The following CDH13 variants were observed in gnomAD, a reference collection of about 807,000 sequenced individuals.
CDH13 encodes the protein cadherin-13.
A neutral mutation model predicts 63.8 loss-of-function variants in CDH13; 24 were observed. The ratio of observed to expected loss-of-function variants is 0.38; its 90% CI spans 0.27 to 0.53. The LOEUF is 0.53. CDH13 is among the 20% of genes least tolerant of loss of function. The probability of loss-of-function intolerance (pLI) is 0.85; values close to 1 mark genes in which losing one functional copy is unlikely to be tolerated. For missense variants in CDH13, 1,049 were observed against 903.1 expected, an observed-to-expected ratio of 1.16 and a Z score of -2.07; for synonymous variants, 503 against 355.3, an observed-to-expected ratio of 1.42 and a Z score of -4.67.
intron 1 of CDH13, among the ~76,000 whole-genome samples, chr16:82,710,048 TAC>T (rs921251629): frequency 1.3e-5 from 2 of 149,968 alleles, no homozygotes; most frequent in African/African-American, 4.9e-5. Flanking sequence ...AAAGTATGCA[TAC>T]ACACACACAC....
At chr16:83,396,316 G>A (rs1328010664) in intron 6 of CDH13, among the ~76,000 whole-genome samples, 4 of 152,166 alleles carry the variant, frequency 2.6e-5, no homozygotes, top group Non-Finnish European at 5.9e-5. Flanking sequence ...TTCAGAGTAT[G>A]ATAAAACACT....
intron 3 of CDH13, among the ~76,000 whole-genome samples, chr16:83,068,240 A>G (rs975429175): frequency 1.1e-4 from 17 of 152,184 alleles, no homozygotes; most frequent in African/African-American, 3.6e-4. Flanking sequence ...TAATCATTTT[A>G]TAGGCATTAT....
intron 1 of CDH13, among the ~76,000 whole-genome samples, chr16:82,841,456 A>C (rs551529279): frequency 6.6e-6 from 1 of 152,342 alleles, no homozygotes; most frequent in African/African-American, 2.4e-5. Context: ...TTAGCAAAGC[A>C]GCAGCTCCCT....
chr16:83,753,191 A>T (rs934284671), intron 11 of CDH13, among the ~76,000 whole-genome samples: 2 of 152,116 alleles, frequency 1.3e-5, no homozygotes, highest in Non-Finnish European at 2.9e-5. Flanking sequence ...TTTTTGCCTC[A>T]CCAAAAACTT....
intron 1 of CDH13, among the ~76,000 whole-genome samples, chr16:82,748,604 C>T (rs900655241): frequency 8.6e-5 from 13 of 151,822 alleles, no homozygotes; most frequent in Middle Eastern, 3.4e-3. Flanking sequence ...AAGCTGCTAA[C>T]AAAAAAATCA....
intron 10 of CDH13, among the ~76,000 whole-genome samples, chr16:83,718,862 G>A (rs1034934712): frequency 2.0e-5 from 3 of 152,174 alleles, no homozygotes; most frequent in African/African-American, 4.8e-5. Flanking sequence ...CTCATGGGGA[G>A]CAAGGGAGCT....
intron 4 of CDH13, among the ~76,000 whole-genome samples, chr16:83,197,307 A>G (rs1350808039): frequency 1.3e-5 from 2 of 152,106 alleles, no homozygotes; most frequent in Non-Finnish European, 2.9e-5. Flanking sequence ...GGTACATTAG[A>G]TACAGACATC....
Position 83,192,687 on chromosome 16 carries a change from C to T in CDH13, c.484-24658C>T, listed in dbSNP as rs548221503. 5.9e-5 allele frequency among the ~76,000 whole-genome samples: 9 copies of T among 152,130 alleles called. 1 individual carries two copies. Among genetic ancestry groups the T allele is most frequent in the African/African-American group, 1.4e-4 (6 of 41,502 alleles). On this transcript the variant is annotated intron_variant, in intron 4 of 13. Coordinates refer to ENST00000567109, the MANE Select transcript of CDH13 (RefSeq NM_001257.5). ...AAATGTGAGATGGAGCAGGTGTTTGCGTGCTGTATCACCAAGCCGTTCCCA... is the reference window on the plus strand; with the variant it reads ...AAATGTGAGATGGAGCAGGTGTTTGTGTGCTGTATCACCAAGCCGTTCCCA...
chr16:83,305,502 G>A (rs575526522), intron 5 of CDH13, among the ~76,000 whole-genome samples: 10 of 152,230 alleles, frequency 6.6e-5, no homozygotes, highest in African/African-American at 2.2e-4. Context: ...ACTTTTGGAG[G>A]GTTTTGTCTT....
chr16:82,938,702 C>A (rs1160394016), intron 2 of CDH13, among the ~76,000 whole-genome samples: 1 of 152,160 alleles, frequency 6.6e-6, no homozygotes. Context: ...AGCATCAGTA[C>A]TGCACACAAG....
chr16:83,141,866 A>G (rs1425806201), intron 4 of CDH13, among the ~76,000 whole-genome samples: 1 of 152,142 alleles, frequency 6.6e-6, no homozygotes, highest in Non-Finnish European at 1.5e-5. Context: ...TTATGGCTGC[A>G]TAGTATTCCA....
chr16:83,360,750 C>T (rs78283320), intron 6 of CDH13, among the ~76,000 whole-genome samples: 2,829 of 152,258 alleles, frequency 0.019, 75 homozygotes, highest in African/African-American at 0.064. Flanking sequence ...AGGATAAAGG[C>T]TTCCAGCTGT....
At chr16:82,999,900 C>T (rs1912678536) in intron 2 of CDH13, among the ~76,000 whole-genome samples, 1 of 152,108 alleles carries the variant, frequency 6.6e-6, no homozygotes, top group East Asian at 1.9e-4. Flanking sequence ...AATTTCACCC[C>T]CTGAGGGCAT....
At chr16:83,340,240 G>A (rs751159471) in intron 5 of CDH13, among the ~76,000 whole-genome samples, 3 of 152,150 alleles carry the variant, frequency 2.0e-5, no homozygotes, top group Non-Finnish European at 4.4e-5. Context: ...TATGGGAAAT[G>A]TATGTGTATA....
At chr16:83,460,258 T>C (rs2073140262) in intron 6 of CDH13, among the ~76,000 whole-genome samples, 1 of 152,234 alleles carries the variant, frequency 6.6e-6, no homozygotes, top group South Asian at 2.1e-4. Flanking sequence ...GCTTTGGCAA[T>C]AACAGGAAAA....
chr16:82,925,084 A>G (rs1267462277), intron 2 of CDH13, among the ~76,000 whole-genome samples: 1 of 152,174 alleles, frequency 6.6e-6, no homozygotes, highest in Non-Finnish European at 1.5e-5. Context: ...TTTCCCTGCC[A>G]TGAAATGCCA....
chr16:83,165,490 G>A (rs948409871), intron 4 of CDH13, among the ~76,000 whole-genome samples: 3 of 152,074 alleles, frequency 2.0e-5, no homozygotes, highest in Admixed American at 1.3e-4. Context: ...TGAGGGAGGG[G>A]ACTAGCAGGC....
intron 7 of CDH13, among the ~76,000 whole-genome samples, chr16:83,574,354 C>T (rs12051105): frequency 0.3 from 45,281 of 152,032 alleles, 7,756 homozygotes; most frequent in East Asian, 0.42. Context: ...ATTATTGACA[C>T]GTTTGACTAC....
chr16:82,749,723 C>T (rs768973362), intron 1 of CDH13, among the ~76,000 whole-genome samples: 1 of 152,148 alleles, frequency 6.6e-6, no homozygotes, highest in Non-Finnish European at 1.5e-5. Context: ...GTAGAGTCTA[C>T]TAGGCTATGC....
Sources: gnomAD v4.1 joint callset for allele counts (sites outside exome capture counted in the v4.1 genomes callset) on GRCh38, gnomAD v4.1.1 for gene constraint, MANE v1.5 for transcripts, NCBI Gene and HGNC (gene_info 2026-07-23, HGNC 2026-07-21) for gene names.